Variants in XPNPEP1 observed in about 807,000 individuals in gnomAD.
The protein encoded by XPNPEP1 is X-prolyl aminopeptidase 1.
Under a neutral mutation model 92.4 loss-of-function variants are expected in XPNPEP1, and 39 were observed. The ratio of observed to expected loss-of-function variants is 0.42; its 90% CI spans 0.33 to 0.55. The LOEUF is 0.55. Among genes scored for constraint, XPNPEP1 ranks in the 20% least tolerant of loss-of-function variants. The probability of loss-of-function intolerance (pLI) is 0.08; values close to 1 mark genes in which losing one functional copy is unlikely to be tolerated. For missense variants in XPNPEP1, 654 were observed against 856.1 expected (o/e 0.76, Z 2.95); for synonymous variants, 307 against 299.4 (o/e 1.03, Z -0.26).
chr10:109,912,894 A>T (rs1053502612), intron 2 of XPNPEP1, among the ~76,000 whole-genome samples: 7 of 152,242 alleles, frequency 4.6e-5, no homozygotes, highest in African/African-American at 1.4e-4. Flanking sequence ...ACAACATTGG[A>T]TCTATGATCT....
chr10:109,890,973 T>G (rs2133443618), intron 5 of XPNPEP1, among the ~76,000 whole-genome samples: 1 of 152,342 alleles, frequency 6.6e-6, no homozygotes, highest in Admixed American at 6.5e-5. Flanking sequence ...ACTTGGCCCT[T>G]CCTTATCTTC....
rs770850632 is a variant in XPNPEP1 at position 109,873,405 on chromosome 10, G to T, written c.1414C>A (p.Arg472=). ...QYKDGTTDVT[R]TMHFGTPTAY... is the part of the protein sequence containing the mutation. ...GTAGGGGTCCCAAAATGCATTGTCC[G>T]CGTCACATCTGTGGTGCCATCCCTT... Residue 472 remains arginine, a synonymous_variant, in exon 16 of 21, where the codon CGG becomes AGG. Coordinates refer to ENST00000502935, the MANE Select transcript of XPNPEP1 (RefSeq NM_020383.4). 1 of 1,614,046 alleles carries T rather than the reference G, an allele frequency of 6.2e-7. No individual in the cohort carries two copies. Among genetic ancestry groups the T allele is most frequent in the Non-Finnish European group, 8.5e-7 (1 of 1,180,006 alleles).
At chr10:109,881,185 C>CT (rs1385637135) in intron 10 of XPNPEP1, among the ~76,000 whole-genome samples, 3 of 152,204 alleles carry the variant, frequency 2.0e-5, no homozygotes, top group South Asian at 2.1e-4. Flanking sequence ...TCCCTTAGCT[C>CT]TTTGAGACTG....
chr10:109,887,164 C>G (rs945811834), intron 7 of XPNPEP1, among the ~76,000 whole-genome samples: 1 of 97,282 alleles, frequency 1.0e-5, no homozygotes, highest in East Asian at 2.9e-4. Flanking sequence ...AACATTTGCT[C>G]TCCCCTCTCC....
chr10:109,894,929 G>A (rs1473552109), intron 3 of XPNPEP1, among the ~76,000 whole-genome samples: 2 of 152,218 alleles, frequency 1.3e-5, no homozygotes, highest in Non-Finnish European at 2.9e-5. Context: ...ATTACTGTGT[G>A]CAAGACTTTT....
intron 2 of XPNPEP1, among the ~76,000 whole-genome samples, chr10:109,912,564 T>C (rs965030507): frequency 6.6e-6 from 1 of 152,146 alleles, no homozygotes; most frequent in Non-Finnish European, 1.5e-5. Context: ...TCCTAGCCAT[T>C]GAGGTGGCAC....
chr10:109,900,148 T>C (rs1360887392), intron 3 of XPNPEP1, among the ~76,000 whole-genome samples: 1 of 152,208 alleles, frequency 6.6e-6, no homozygotes, highest in Non-Finnish European at 1.5e-5. Flanking sequence ...TGAGGTACGT[T>C]TTCTCTCTTG....
chr10:109,867,474 G>A lies in XPNPEP1; in HGVS notation c.1872+1140C>T, dbSNP rs1847204003. Among the ~76,000 whole-genome samples, 1 of 152,180 alleles carries A rather than the reference G, an allele frequency of 6.6e-6. No individual in the cohort carries two copies. The highest frequency in any genetic ancestry group is 2.4e-5 in the African/African-American group (1 of 41,442). On this transcript the variant is annotated intron_variant, in intron 20 of 20. Coordinates refer to ENST00000502935, the MANE Select transcript of XPNPEP1 (RefSeq NM_020383.4). This position sits in a 1 kb window ranked among gnomAD's most constrained non-coding sequence, Gnocchi z 4.5. Reference sequence around the variant, plus strand: ...AGGGCACGGATGGTTAAGCAGAGGCGCTCAAGCACAGAGGAAAGCTAAGCA... The same window carrying A: ...AGGGCACGGATGGTTAAGCAGAGGCACTCAAGCACAGAGGAAAGCTAAGCA...
chr10:109,868,862 C>A (rs1847289456), intron 19 of XPNPEP1, 150 bp from the exon 20 acceptor site: 3 of 683,244 alleles, frequency 4.4e-6, no homozygotes, highest in Non-Finnish European at 7.5e-6. Context: ...CACAGACACA[C>A]AAGGAACCTG....
rs1564743641 is a variant in XPNPEP1 at position 109,869,748 on chromosome 10, T to C, written c.1773+205A>G. ...GGAAGGAGTGTGGTTTCCAGGAAAG[T>C]CCCTGATATCTGGAGAAGAAGGCTC... is the stretch of plus-strand genomic sequence containing the variant. On this transcript the variant is annotated intron_variant, in intron 19 of 20. Transcript: ENST00000502935. 3 of 501,656 alleles carry C rather than the reference T, an allele frequency of 6.0e-6. No homozygotes were observed. The East Asian group carries it at 1.0e-4, about 17-fold the overall frequency. The allele number at this position is 501,656 out of a possible 1,614,324, so 31.1% of individuals were successfully genotyped here.
intron 5 of XPNPEP1, among the ~76,000 whole-genome samples, chr10:109,889,361 GC>G (rs1245362058): frequency 6.6e-6 from 1 of 152,124 alleles, no homozygotes; most frequent in Non-Finnish European, 1.5e-5. Context: ...AAATTACCAT[GC>G]CCAGTTAATT....
chr10:109,882,617 C>T lies in XPNPEP1; in HGVS notation c.856G>A (p.Asp286Asn), dbSNP rs766363909. 3.1e-6 allele frequency: 5 copies of T among 1,614,148 alleles called. No homozygotes were observed. Among genetic ancestry groups the T allele is most frequent in the Non-Finnish European group, 4.2e-6 (5 of 1,180,010 alleles). The change falls in exon 10 of 21, where the codon GAC becomes AAC. Residue 286 changes from aspartate (D) to asparagine (N), a missense_variant. By Grantham distance (23) the Asp-to-Asn change is conservative (BLOSUM62 1). Coordinates refer to ENST00000502935, the MANE Select transcript of XPNPEP1 (RefSeq NM_020383.4). The part of the protein sequence containing the change: ...IMLFIDGDRI[D>N]APSVKEHLLL... The stretch of plus-strand genomic sequence containing the variant: ...AGGTGCTCCTTCACACTGGGGGCGT[C>T]TATGCGGTCACCATCAATGAAGAGC...
chr10:109,879,724 G>A (rs181199739), intron 12 of XPNPEP1, among the ~76,000 whole-genome samples: 48 of 152,202 alleles, frequency 3.2e-4, no homozygotes, highest in African/African-American at 9.6e-4. Context: ...AAGGGAACAT[G>A]ATATTGTTTA....
rs1339974149 is a variant in XPNPEP1, at chr10:109,896,946, T to G, written c.247-3871A>C. Among the ~76,000 whole-genome samples the G allele has an allele frequency of 1.3e-5, 2 of 152,200 alleles. 1 individual carries two copies. Among genetic ancestry groups the G allele is most frequent in the East Asian group, 3.9e-4 (2 of 5,194 alleles). ...ACTTCCAGAACCATAAGAGAATAAA[T>G]TTGTTTTAAGTCACTGTGGTAATTT... On this transcript the variant is annotated intron_variant, in intron 3 of 20. Transcript: ENST00000502935.
At chr10:109,918,543 CG>C (rs1386437311) in intron 1 of XPNPEP1, among the ~76,000 whole-genome samples, 1 of 152,106 alleles carries the variant, frequency 6.6e-6, no homozygotes, top group African/African-American at 2.4e-5. Context: ...GGGCAGATCA[CG>C]AGGTCAGGAG....
chr10:109,908,863 G>T (rs887724030), intron 2 of XPNPEP1, among the ~76,000 whole-genome samples: 3 of 152,202 alleles, frequency 2.0e-5, no homozygotes, highest in Non-Finnish European at 2.9e-5. Context: ...AGAGAAGAAA[G>T]TTCCGTCCAC....
At chr10:109,875,213 C>T (rs572393544) in intron 15 of XPNPEP1, among the ~76,000 whole-genome samples, 3 of 152,176 alleles carry the variant, frequency 2.0e-5, no homozygotes, top group Admixed American at 1.3e-4. Flanking sequence ...AACCGGCAGG[C>T]GGTTCATGGG....
At chr10:109,891,691 C>G in intron 5 of XPNPEP1, 31 bp downstream of exon 5, 1 of 1,523,834 alleles carries the variant, frequency 6.6e-7, no homozygotes, top group Non-Finnish European at 8.8e-7. Flanking sequence ...ATCAGGCCAA[C>G]TAAGTTTGGG....
intron 20 of XPNPEP1, among the ~76,000 whole-genome samples, chr10:109,866,256 G>C (rs528049741): frequency 1.5e-4 from 23 of 152,212 alleles, no homozygotes; most frequent in Non-Finnish European, 3.1e-4. Flanking sequence ...CTGGGGTCAG[G>C]ATGGGCACAC....
Sources: gnomAD v4.1 joint callset for allele counts (sites outside exome capture counted in the v4.1 genomes callset) on GRCh38, gnomAD v4.1.1 for gene constraint, Gnocchi (gnomAD v3.1) non-coding constraint, MANE v1.5 for transcripts, NCBI Gene and HGNC (gene_info 2026-07-23, HGNC 2026-07-21) for gene names.